The following TMIGD3 variants were observed in gnomAD, a reference collection of about 807,000 sequenced individuals.
TMIGD3 encodes transmembrane and immunoglobulin domain containing 3, also known as AD026 protein (AD026).
A neutral mutation model predicts 28.1 loss-of-function variants in TMIGD3; 21 were observed. The ratio of observed to expected loss-of-function variants is 0.75; its 90% CI spans 0.53 to 1.08. The LOEUF is 1.08. TMIGD3 is among the 50% of genes least tolerant of loss of function. The pLI, the probability that TMIGD3 is intolerant of heterozygous loss-of-function variation, is 0.00. For missense variants in TMIGD3, 416 were observed against 435.6 expected, an observed-to-expected ratio of 0.96 and a Z score of 0.40; for synonymous variants, 151 against 162.1, an observed-to-expected ratio of 0.93 and a Z score of 0.52.
At chr1:111,516,915 T>G (rs77658640) in intron 1 of TMIGD3, among the ~76,000 whole-genome samples, 11,968 of 152,310 alleles carry the variant, frequency 0.079, 591 homozygotes, top group Middle Eastern at 0.18. Flanking sequence ...TTCTGGCTTT[T>G]TCTAGGCACC....
At chr1:111,483,839 A>C in intron 5 of TMIGD3, 82 bp from the exon 6 acceptor site, 4 of 1,143,220 alleles carry the variant, frequency 3.5e-6, no homozygotes, top group Non-Finnish European at 5.3e-6. Context: ...AAAAGTTCCA[A>C]ACTCTGTCAT....
At chr1:111,529,688 AG>A (rs1656384739) in intron 1 of TMIGD3, among the ~76,000 whole-genome samples, 1 of 151,348 alleles carries the variant, frequency 6.6e-6, no homozygotes, top group African/African-American at 2.4e-5. Context: ...GTTGGGGGTA[AG>A]GTCACAGATC....
intron 1 of TMIGD3, among the ~76,000 whole-genome samples, chr1:111,494,395 A>G (rs1324240796): frequency 1.3e-5 from 2 of 152,254 alleles, no homozygotes; most frequent in Admixed American, 6.5e-5. Context: ...TGTAAAAATC[A>G]CTAGCATTCC....
At chr1:111,491,275 T>G (rs1654645157) in intron 1 of TMIGD3, among the ~76,000 whole-genome samples, 1 of 152,206 alleles carries the variant, frequency 6.6e-6, no homozygotes, top group Non-Finnish European at 1.5e-5. Context: ...CTGGAACACG[T>G]GAGCAGGTGG....
chr1:111,549,703 C>G (rs1476041652), intron 1 of TMIGD3, among the ~76,000 whole-genome samples: 1 of 151,672 alleles, frequency 6.6e-6, no homozygotes, highest in Non-Finnish European at 1.5e-5. Context: ...GGCTGGAATG[C>G]ATTGGACAAA....
intron 1 of TMIGD3, among the ~76,000 whole-genome samples, chr1:111,524,032 T>C (rs1474247192): frequency 2.6e-4 from 19 of 71,722 alleles, no homozygotes; most frequent in African/African-American, 4.9e-4. Flanking sequence ...TCTTTTCTTT[T>C]TTTTTTTTTT....
chr1:111,521,747 A>C (rs560157579), intron 1 of TMIGD3, among the ~76,000 whole-genome samples: 1 of 152,288 alleles, frequency 6.6e-6, no homozygotes, highest in Non-Finnish European at 1.5e-5. Flanking sequence ...AGAGTGCCTT[A>C]TGAAGGACAA....
intron 1 of TMIGD3, among the ~76,000 whole-genome samples, chr1:111,560,910 G>T (rs768389783): frequency 6.6e-6 from 1 of 152,126 alleles, no homozygotes. Context: ...AGCCCAATTT[G>T]CTCTTCCTCC....
intron 2 of TMIGD3, chr1:111,489,585 T>C: frequency 1.8e-6 from 2 of 1,098,658 alleles, no homozygotes; most frequent in South Asian, 2.2e-5. Flanking sequence ...GAGAAGTCCT[T>C]TTCCCTGGCC....
intron 1 of TMIGD3, among the ~76,000 whole-genome samples, chr1:111,528,497 T>C (rs1278376632): frequency 6.6e-6 from 1 of 152,140 alleles, no homozygotes; most frequent in Non-Finnish European, 1.5e-5. Context: ...CTATTCTGGG[T>C]TTTTTGTCTC....
intron 1 of TMIGD3, among the ~76,000 whole-genome samples, chr1:111,521,525 G>T (rs1308550273): frequency 4.6e-5 from 7 of 152,130 alleles, no homozygotes; most frequent in African/African-American, 1.4e-4. Flanking sequence ...ACTAACCATT[G>T]AGACTGAGCA....
intron 1 of TMIGD3, among the ~76,000 whole-genome samples, chr1:111,531,715 A>C (rs1164628719): frequency 6.6e-6 from 1 of 151,846 alleles, no homozygotes; most frequent in East Asian, 1.9e-4. Flanking sequence ...TTATTTTTAA[A>C]ATTATTTATT....
In TMIGD3 at chr1:111,545,119, C is replaced by T. The variant is rs993886222; in HGVS notation, c.107+18727G>A. Among the ~76,000 whole-genome samples, 155 of 151,598 alleles carry T rather than the reference C, an allele frequency of 1.0e-3. 1 individual carries two copies. The highest frequency in any genetic ancestry group is 3.4e-3 in the African/African-American group (140 of 41,352). On this transcript the variant is annotated intron_variant, in intron 1 of 5. Coordinates refer to the TMIGD3 transcript ENST00000369717. ...TTGGGTATATCCAATTTGGTATATACCCAATTTCTTGGGTATATACCAAGA... is the reference window on the plus strand; with the variant it reads ...TTGGGTATATCCAATTTGGTATATATCCAATTTCTTGGGTATATACCAAGA...
intron 1 of TMIGD3, among the ~76,000 whole-genome samples, chr1:111,554,512 A>G (rs1321889824): frequency 6.6e-6 from 1 of 152,250 alleles, no homozygotes; most frequent in African/African-American, 2.4e-5. Context: ...ACTTGGCTAC[A>G]GGACAATAAG....
At chr1:111,516,526 G>C (rs12138958) in intron 1 of TMIGD3, among the ~76,000 whole-genome samples, 41,487 of 152,124 alleles carry the variant, frequency 0.27, 6,476 homozygotes, top group Middle Eastern at 0.36. Context: ...ACTTGAGAGA[G>C]CATTTCTGCC....
chr1:111,502,156 A>ATCC, intron 1 of TMIGD3, among the ~76,000 whole-genome samples: 1 of 72,166 alleles, frequency 1.4e-5, no homozygotes, highest in Non-Finnish European at 2.6e-5. Flanking sequence ...AATATATAGG[A>ATCC]TATATATTTA....
Position 111,498,250 on chromosome 1 carries a change from T to C in TMIGD3, c.350+4755A>G, listed in dbSNP as rs566184491. The stretch of plus-strand genomic sequence containing the variant: ...TCAGATACGCTTACCCACTTTGATG[T>C]TGTTTAATTGAAATCTCCATCTTGT... On this transcript the variant is annotated intron_variant, in intron 1 of 5. Coordinates refer to ENST00000369716, the MANE Select transcript of TMIGD3 (RefSeq NM_020683.7). Among the ~76,000 whole-genome samples, 3 of 152,352 alleles carry C rather than the reference T, an allele frequency of 2.0e-5. No individual in the cohort carries two copies. In the South Asian group the frequency reaches 6.2e-4, roughly 32 times the overall value.
intron 1 of TMIGD3, among the ~76,000 whole-genome samples, chr1:111,542,767 G>C (rs1311329044): frequency 1.3e-5 from 2 of 151,920 alleles, no homozygotes; most frequent in Non-Finnish European, 2.9e-5. Flanking sequence ...TTCTGTCTTG[G>C]CTCACTGAAA....
chr1:111,509,167 G>A (rs1260249267), intron 1 of TMIGD3, among the ~76,000 whole-genome samples: 1 of 152,172 alleles, frequency 6.6e-6, no homozygotes, highest in Non-Finnish European at 1.5e-5. Flanking sequence ...AGATGAGAAT[G>A]GGGAAGACCA....
Sources: allele counts gnomAD v4.1 joint callset (sites outside exome capture counted in the v4.1 genomes callset), GRCh38; gene constraint gnomAD v4.1.1; transcripts MANE v1.5; gene names NCBI Gene and HGNC (gene_info 2026-07-23, HGNC 2026-07-21).